Variants in RAD54B observed in about 807,000 individuals in gnomAD.
The protein encoded by RAD54B is RAD54 homolog B.
RAD54B carries 78 observed loss-of-function variants against 95.8 expected under a neutral mutation model. The observed-to-expected ratio is 0.81, with a 90% CI of 0.68 to 0.98. The LOEUF (loss-of-function observed/expected upper bound fraction) is 0.98. Ranked by LOEUF, RAD54B falls within the 50% of genes least tolerant of loss-of-function variation. The probability of loss-of-function intolerance (pLI) is 0.00; values close to 1 mark genes in which losing one functional copy is unlikely to be tolerated. For synonymous variants in RAD54B, 328 were observed against 354.9 expected (o/e 0.92, Z 0.85); for missense variants, 957 against 1,056.6 (o/e 0.91, Z 1.31).
chr8:94,422,569 T>C lies in RAD54B; in HGVS notation c.305-11254A>G, dbSNP rs1471084768. On this transcript the variant is annotated intron_variant, in intron 3 of 14. Transcript: ENST00000336148. Reference sequence around the variant, plus strand: ...TCCACTGGCACTCCAGCCTGGACGATAGAGCGAGACTTCGTCTCAAAAAAA... The same window carrying C: ...TCCACTGGCACTCCAGCCTGGACGACAGAGCGAGACTTCGTCTCAAAAAAA... Among the ~76,000 whole-genome samples, 25 of 101,782 alleles carry C rather than the reference T, an allele frequency of 2.5e-4. 2 individuals are homozygous for C. In the South Asian group the frequency reaches 6.0e-3, roughly 24 times the overall value. 66.8% of individuals were successfully genotyped at this position (101,782 alleles called of 152,430 possible).
At chr8:94,431,250 T>C in intron 3 of RAD54B, 3 of 965,590 alleles carry the variant, frequency 3.1e-6, no homozygotes, top group Non-Finnish European at 1.2e-6. Flanking sequence ...AAAGAAATTT[T>C]TTCCAGAACA....
chr8:94,428,996 G>A (rs1387260628), intron 3 of RAD54B: 1 of 982,176 alleles, frequency 1.0e-6, no homozygotes, highest in African/African-American at 1.8e-5. Context: ...TGTTAATCAT[G>A]GTTATACAAG....
chr8:94,450,928 A>G (rs1018210334), intron 3 of RAD54B, among the ~76,000 whole-genome samples: 1 of 152,188 alleles, frequency 6.6e-6, no homozygotes, highest in African/African-American at 2.4e-5. Context: ...ATTTTTCACT[A>G]TGAAAGAAAG....
Position 94,387,044 on chromosome 8 carries a change from C to T in RAD54B, c.1925G>A (p.Gly642Glu), listed in dbSNP as rs1323411136. The T allele has an allele frequency of 6.2e-7, 1 of 1,613,486 alleles. No homozygotes were observed. Among genetic ancestry groups the T allele is most frequent in the African/African-American group, 1.3e-5 (1 of 75,004 alleles). The change falls in exon 11 of 15, where the codon GGA becomes GAA. Residue 642 changes from glycine to glutamate, a missense_variant. Transcript: ENST00000336148. The stretch of plus-strand genomic sequence containing the variant: ...GAGCTTGGACAACACCTGTAGTTTT[C>T]CTGACTCCTTTTCAGTAAACAGGAG... The part of the protein sequence containing the change: ...NPLLFTEKES[G>E]KLQVLSKLLA...
chr8:94,423,488 C>T (rs951564119), intron 3 of RAD54B, among the ~76,000 whole-genome samples: 7 of 152,152 alleles, frequency 4.6e-5, no homozygotes, highest in African/African-American at 1.7e-4. Context: ...TTTCATTGAT[C>T]GGTGAAAGCT....
rs140371523 is a variant in RAD54B, at chr8:94,409,256, T to G, written c.500-1536A>C. Reference sequence around the variant, plus strand: ...AACCAAGTCCTATGTTTGGATATTTTCATTTTGAAAACCCTAAAATATACC... The same window carrying G: ...AACCAAGTCCTATGTTTGGATATTTGCATTTTGAAAACCCTAAAATATACC... On this transcript the variant is annotated intron_variant, in intron 4 of 14. Coordinates refer to ENST00000336148, the MANE Select transcript of RAD54B (RefSeq NM_012415.3). Among the ~76,000 whole-genome samples the G allele has an allele frequency of 4.3e-3, 660 of 152,266 alleles. 3 individuals carry two copies. Among genetic ancestry groups the G allele is most frequent in the African/African-American group, 0.015 (624 of 41,568 alleles).
At position 94,407,876 on chromosome 8, in the gene RAD54B, C is replaced by A. The variant is rs953106841; in HGVS notation, c.500-156G>T. Among the ~76,000 whole-genome samples the A allele has an allele frequency of 2.7e-5, 4 of 150,318 alleles. No individual in the cohort carries two copies. In the East Asian group the frequency reaches 6.0e-4, roughly 23 times the overall value. On this transcript the variant is annotated intron_variant, in intron 4 of 14. Coordinates refer to ENST00000336148, the MANE Select transcript of RAD54B (RefSeq NM_012415.3). Reference sequence around the variant, plus strand: ...AATTTAACATTTTGGTTAAAAAAAACATTGAAAATCAAAAGAAATAATACA... The same window carrying A: ...AATTTAACATTTTGGTTAAAAAAAAAATTGAAAATCAAAAGAAATAATACA...
At chr8:94,435,548 T>C (rs889725407) in intron 3 of RAD54B, among the ~76,000 whole-genome samples, 1 of 152,122 alleles carries the variant, frequency 6.6e-6, no homozygotes, top group Non-Finnish European at 1.5e-5. Flanking sequence ...GTTTACAATT[T>C]GTTTAAATTA....
intron 3 of RAD54B, among the ~76,000 whole-genome samples, chr8:94,448,238 A>G (rs1586030925): frequency 1.3e-5 from 2 of 151,972 alleles, no homozygotes; most frequent in South Asian, 4.1e-4. Context: ...CCATTGAGCT[A>G]TGATTGTACC....
intron 3 of RAD54B, chr8:94,436,411 A>G: frequency 7.1e-7 from 1 of 1,414,870 alleles, no homozygotes; most frequent in Non-Finnish European, 9.3e-7. Context: ...GATGCTTACT[A>G]TGCATATCTC....
At chr8:94,419,445 T>C (rs1168829977) in intron 3 of RAD54B, among the ~76,000 whole-genome samples, 1 of 151,656 alleles carries the variant, frequency 6.6e-6, no homozygotes. Flanking sequence ...AAGGCGGAGG[T>C]TGCAGTGAGC....
At chr8:94,432,379 G>GA (rs1299874105) in intron 3 of RAD54B, 7 of 1,550,184 alleles carry the variant, frequency 4.5e-6, no homozygotes, top group East Asian at 2.4e-5. Context: ...CTCTCATGCC[G>GA]AAAAAAATCA....
At chr8:94,407,753 ACT>A in intron 4 of RAD54B, 33 bp from the exon 5 acceptor site, 2 of 1,562,542 alleles carry the variant, frequency 1.3e-6, no homozygotes, top group Non-Finnish European at 1.7e-6. Flanking sequence ...ATTAATTGAC[ACT>A]CTATGATACC....
At chr8:94,375,654 T>C (rs1166560305) in intron 14 of RAD54B, among the ~76,000 whole-genome samples, 1 of 152,118 alleles carries the variant, frequency 6.6e-6, no homozygotes, top group African/African-American at 2.4e-5. Context: ...GATATATCTA[T>C]ACACTGGAAG....
At chr8:94,472,878 C>T (rs1813203828) in intron 1 of RAD54B, among the ~76,000 whole-genome samples, 1 of 151,988 alleles carries the variant, frequency 6.6e-6, no homozygotes, top group African/African-American at 2.4e-5. Flanking sequence ...TTTTTCAATC[C>T]TCCTATTTTG....
chr8:94,401,278 C>G (rs1045082218), intron 6 of RAD54B, among the ~76,000 whole-genome samples: 1 of 152,108 alleles, frequency 6.6e-6, no homozygotes, highest in Non-Finnish European at 1.5e-5. Flanking sequence ...TGCCTCCCTT[C>G]TATCTCCTCC....
intron 3 of RAD54B, among the ~76,000 whole-genome samples, chr8:94,422,617 A>AAATATATATATAT (rs1554606249): frequency 2.3e-5 from 1 of 43,574 alleles, no homozygotes; most frequent in Admixed American, 3.9e-4. Context: ...AAAAAAAAAA[A>AAATATATATATAT]ATATATATAT....
intron 3 of RAD54B, among the ~76,000 whole-genome samples, chr8:94,438,175 T>C (rs1399434729): frequency 6.6e-6 from 1 of 152,212 alleles, no homozygotes; most frequent in African/African-American, 2.4e-5. Flanking sequence ...CTATAAATTC[T>C]CAATTATCTT....
chr8:94,389,197 C>G (rs1039919462), intron 10 of RAD54B, among the ~76,000 whole-genome samples: 1 of 152,198 alleles, frequency 6.6e-6, no homozygotes, highest in African/African-American at 2.4e-5. Flanking sequence ...TCAAGCAATT[C>G]TCCCACCTCA....
Sources: allele counts gnomAD v4.1 joint callset (sites outside exome capture counted in the v4.1 genomes callset), GRCh38; gene constraint gnomAD v4.1.1; transcripts MANE v1.5; gene names NCBI Gene and HGNC (gene_info 2026-07-23, HGNC 2026-07-21).